The following MFAP1 variants were observed in gnomAD, a reference collection of about 807,000 sequenced individuals.
The protein encoded by MFAP1 is microfibril associated protein 1.
Under a neutral mutation model 62.2 loss-of-function variants are expected in MFAP1, and 18 were observed. That is an observed-to-expected ratio of 0.29 (90% CI 0.20 to 0.43). The LOEUF (loss-of-function observed/expected upper bound fraction) is 0.43. Among genes scored for constraint, MFAP1 ranks in the 20% least tolerant of loss-of-function variants. The probability of loss-of-function intolerance (pLI) is 1.00; values close to 1 mark genes in which losing one functional copy is unlikely to be tolerated. For missense variants in MFAP1, 355 were observed against 559.7 expected, an observed-to-expected ratio of 0.63 and a Z score of 3.69; for synonymous variants, 175 against 180.4, an observed-to-expected ratio of 0.97 and a Z score of 0.24.
At chr15:43,821,429 G>A (rs1166494231) in intron 1 of MFAP1, among the ~76,000 whole-genome samples, 1 of 142,272 alleles carries the variant, frequency 7.0e-6, no homozygotes, top group African/African-American at 2.6e-5. Flanking sequence ...CAATGCTGAA[G>A]AAGAATAAAG....
rs777343228 is a variant in MFAP1 at position 43,815,002 on chromosome 15, A to G, written c.372T>C (p.Ala124=). 1.5e-5 allele frequency: 24 copies of G among 1,614,114 alleles called. No individual in the cohort carries two copies. In the East Asian group the frequency reaches 5.1e-4, roughly 34 times the overall value. ...TGCTGTCTTCTCGTTCCATGCGCCA[A>G]GCATCTCCTTCTACTTCTGAGTCAC... The part of the protein sequence containing the change: ...GESDSEVEGD[A]WRMEREDSSE... Residue 124 remains alanine (A), a synonymous_variant, in exon 3 of 9, where the codon GCT becomes GCC. Coordinates refer to ENST00000267812, the MANE Select transcript of MFAP1 (RefSeq NM_005926.3).
intron 1 of MFAP1, among the ~76,000 whole-genome samples, chr15:43,818,018 C>CTTTTT (rs780258021): frequency 3.8e-5 from 5 of 131,744 alleles, no homozygotes; most frequent in Non-Finnish European, 6.4e-5. Flanking sequence ...AAATACAATT[C>CTTTTT]TTTTTTTTTT....
At chr15:43,818,770 C>T (rs181505269) in intron 1 of MFAP1, among the ~76,000 whole-genome samples, 2 of 152,000 alleles carry the variant, frequency 1.3e-5, no homozygotes, top group Admixed American at 6.6e-5. Flanking sequence ...GCCTGTGGTC[C>T]CAAGCTACAT....
intron 1 of MFAP1, among the ~76,000 whole-genome samples, chr15:43,822,682 AACAG>A (rs1450389324): frequency 4.6e-5 from 7 of 151,640 alleles, no homozygotes; most frequent in African/African-American, 1.7e-4. Context: ...CCTTTGTTTT[AACAG>A]ACAGGGTCTT....
rs369660038 is a variant in MFAP1, at chr15:43,817,405, G to A, written c.123C>T (p.Ser41=). The change falls in exon 2 of 9, where the codon TCC becomes TCT. Residue 41 remains serine (S), a synonymous_variant. Coordinates refer to ENST00000267812, the MANE Select transcript of MFAP1 (RefSeq NM_005926.3). ...TAGGGGCATAGTCTGGCCTTTTTCC[G>A]GACACATAACGCTTTACCTTCACTT... is the stretch of plus-strand genomic sequence containing the variant. ...MEKVKVKRYV[S]GKRPDYAPME... is the part of the protein sequence containing the mutation. 104 of 1,613,872 alleles carry A rather than the reference G, an allele frequency of 6.4e-5. No individual in the cohort carries two copies. Among genetic ancestry groups the A allele is most frequent in the East Asian group, 1.8e-4 (8 of 44,890 alleles).
At chr15:43,818,150 G>A (rs550542171) in intron 1 of MFAP1, among the ~76,000 whole-genome samples, 85 of 151,670 alleles carry the variant, frequency 5.6e-4, no homozygotes, top group Non-Finnish European at 1.0e-3. Flanking sequence ...TTCCTGAGTA[G>A]CTGGGACTAC....
At chr15:43,819,640 C>T (rs1259902809) in intron 1 of MFAP1, among the ~76,000 whole-genome samples, 1 of 152,074 alleles carries the variant, frequency 6.6e-6, no homozygotes, top group Admixed American at 6.6e-5. Flanking sequence ...AAGCAATTCT[C>T]CCTGCCTCAG....
At chr15:43,822,002 A>G (rs2087469681) in intron 1 of MFAP1, among the ~76,000 whole-genome samples, 1 of 152,146 alleles carries the variant, frequency 6.6e-6, no homozygotes, top group African/African-American at 2.4e-5. Flanking sequence ...CGTATACTAT[A>G]GATTTGGAAT....
chr15:43,814,294 T>G (rs1048239635), intron 4 of MFAP1, among the ~76,000 whole-genome samples: 1 of 152,088 alleles, frequency 6.6e-6, no homozygotes, highest in Non-Finnish European at 1.5e-5. Flanking sequence ...GCTCTATTAC[T>G]GAAAAAAGAG....
At chr15:43,816,084 T>C (rs941035094) in intron 2 of MFAP1, among the ~76,000 whole-genome samples, 2 of 152,120 alleles carry the variant, frequency 1.3e-5, no homozygotes, top group African/African-American at 4.8e-5. Context: ...AAAATCAATA[T>C]AAAACAAGAC....
At chr15:43,808,889 A>C (rs899718135) in intron 7 of MFAP1, among the ~76,000 whole-genome samples, 2 of 152,258 alleles carry the variant, frequency 1.3e-5, no homozygotes, top group African/African-American at 2.4e-5. Flanking sequence ...TACAGGGTTA[A>C]CAGATTGCTA....
chr15:43,820,888 C>T (rs1450554470), intron 1 of MFAP1, among the ~76,000 whole-genome samples: 4 of 152,146 alleles, frequency 2.6e-5, no homozygotes, highest in African/African-American at 4.8e-5. Flanking sequence ...GGATTACAGG[C>T]GTGAGCCACC....
At chr15:43,812,107 T>C (rs2087405048) in intron 6 of MFAP1, among the ~76,000 whole-genome samples, 2 of 152,032 alleles carry the variant, frequency 1.3e-5, no homozygotes, top group Non-Finnish European at 1.5e-5. Flanking sequence ...GGAAAATCAC[T>C]TGAACCTGGC....
intron 2 of MFAP1, 83 bp downstream of exon 2, chr15:43,817,146 T>C (rs2087438630): frequency 1.6e-6 from 2 of 1,286,616 alleles, no homozygotes; most frequent in Non-Finnish European, 2.2e-6. Flanking sequence ...ATCTACTTGG[T>C]AGTACTATTC....
intron 7 of MFAP1, among the ~76,000 whole-genome samples, chr15:43,805,736 C>T (rs1440620051): frequency 2.0e-5 from 3 of 151,954 alleles, no homozygotes; most frequent in Non-Finnish European, 4.4e-5. Flanking sequence ...CCTCAGCCTC[C>T]CGAGTAGCTG....
At position 43,814,660 on chromosome 15, in the gene MFAP1, C is replaced by T. The variant is rs1163187425; in HGVS notation, c.458G>A (p.Arg153His). ...EEIERRRGMMRQRAQERKNEE... is the reference protein window; with the variant it reads ...EEIERRRGMMHQRAQERKNEE... ...ATTTTTTCTCTCCTGTGCTCGCTGA[C>T]GCATCATGCCACGCCGCCGCTCTAT... is the stretch of plus-strand genomic sequence containing the variant. The change falls in exon 4 of 9, where the codon CGT (arginine) becomes CAT (histidine). Residue 153 changes from arginine to histidine, a missense_variant. By Grantham distance (29) the Arg-to-His change is conservative. Coordinates refer to ENST00000267812, the MANE Select transcript of MFAP1 (RefSeq NM_005926.3). 4 of 1,614,084 alleles carry T rather than the reference C, an allele frequency of 2.5e-6. No individual in the cohort carries two copies. The highest frequency in any genetic ancestry group is 3.4e-6 in the Non-Finnish European group (4 of 1,180,024).
intron 1 of MFAP1, among the ~76,000 whole-genome samples, chr15:43,820,822 G>A (rs1034243534): frequency 6.6e-6 from 1 of 152,162 alleles, no homozygotes; most frequent in South Asian, 2.1e-4. Flanking sequence ...TGCCCATGCT[G>A]GTCTTGAACT....
chr15:43,823,562 G>A (rs1413192147), intron 1 of MFAP1, among the ~76,000 whole-genome samples: 6 of 151,574 alleles, frequency 4.0e-5, no homozygotes, highest in African/African-American at 1.5e-4. Flanking sequence ...ATTTTTAGTA[G>A]AGACGGGGTT....
chr15:43,824,516 C>A lies in MFAP1; in HGVS notation c.54G>T (p.Gly18=), dbSNP rs1335733958. Reference sequence around the variant, plus strand: ...CTTTCTCATTGCGAACTGGGACGGCCCCAGCCGTAGACTGAATGGGCGGTT... The same window carrying A: ...CTTTCTCATTGCGAACTGGGACGGCACCAGCCGTAGACTGAATGGGCGGTT... ...MKQPPIQSTA[G]AVPVRNEKGE... is the part of the protein sequence containing the mutation. The change falls in exon 1 of 9, where the codon GGG becomes GGT. Residue 18 remains glycine (G), a synonymous_variant. Transcript: ENST00000267812. 6.2e-7 allele frequency: 1 copy of A among 1,614,068 alleles called. No homozygotes were observed. Among genetic ancestry groups the A allele is most frequent in the Admixed American group, 1.7e-5 (1 of 59,998 alleles).
Sources: allele counts gnomAD v4.1 joint callset (sites outside exome capture counted in the v4.1 genomes callset), GRCh38; gene constraint gnomAD v4.1.1; transcripts MANE v1.5; gene names NCBI Gene and HGNC (gene_info 2026-07-23, HGNC 2026-07-21).